PNISR: variants seen among roughly 807,000 people sequenced by gnomAD.
PNISR encodes the protein arginine/serine-rich protein PNISR.
PNISR carries 20 observed loss-of-function variants against 93.4 expected under a neutral mutation model. That is an observed-to-expected ratio of 0.21 (90% CI 0.15 to 0.31). The LOEUF is 0.31. Ranked by LOEUF, PNISR falls within the 10% of genes least tolerant of loss-of-function variation. The pLI is 1.00. For synonymous variants in PNISR, 305 were observed against 306.5 expected, an observed-to-expected ratio of 0.99 and a Z score of 0.05; for missense variants, 893 against 985.4, an observed-to-expected ratio of 0.91 and a Z score of 1.25.
chr6:99,398,821 TTTA>T lies in PNISR; in HGVS notation c.*1716_*1718del, dbSNP rs1025917628. On this transcript the variant is annotated 3_prime_UTR_variant, in exon 12 of 12. Coordinates refer to ENST00000369239, the MANE Select transcript of PNISR (RefSeq NM_032870.4). ...CGCCTACATAAAAAATATTGCACATTTTATTTTGTCTCCAGATGTGATCGATGT... is the reference window on the plus strand; with the variant it reads ...CGCCTACATAAAAAATATTGCACATTTTTTGTCTCCAGATGTGATCGATGT... The T allele has an allele frequency of 2.0e-5, 3 of 152,078 alleles. No homozygotes were observed. The highest frequency in any genetic ancestry group is 2.4e-5 in the African/African-American group (1 of 41,440). 9.4% of individuals were successfully genotyped at this position (152,078 alleles called of 1,614,324 possible). A position where few individuals can be genotyped will look rare whatever the true frequency, so the allele number is the denominator to read the frequency against.
At chr6:99,420,880 C>T (rs1166724362) in intron 1 of PNISR, among the ~76,000 whole-genome samples, 1 of 152,114 alleles carries the variant, frequency 6.6e-6, no homozygotes, top group Non-Finnish European at 1.5e-5. Flanking sequence ...AAACAAAAAT[C>T]TTCTTTAGGG....
rs1449856623 is a variant in PNISR at position 99,414,724 on chromosome 6, G to GT, written c.-31-35dup. 5.3e-6 allele frequency: 5 copies of GT among 939,224 alleles called. No individual in the cohort carries two copies. In the African/African-American group the frequency reaches 8.5e-5, roughly 16 times the overall value. 58.2% of individuals were successfully genotyped at this position (939,224 alleles called of 1,614,324 possible). On this transcript the variant is annotated intron_variant, in intron 2 of 11. Coordinates refer to ENST00000369239, the MANE Select transcript of PNISR (RefSeq NM_032870.4). ...AATTAAACATAGTTTAAAAATTATA[G>GT]TGAGTTATTTAATCTTAAAACCTCA... is the stretch of plus-strand genomic sequence containing the variant.
At chr6:99,415,399 C>T (rs1395189951) in intron 2 of PNISR, 1 of 152,024 alleles carries the variant, frequency 6.6e-6, no homozygotes, top group East Asian at 1.9e-4. Flanking sequence ...AGACAGCCTC[C>T]AAGACCTGGT....
At chr6:99,414,152 T>G (rs1347980181) in intron 3 of PNISR, among the ~76,000 whole-genome samples, 2 of 152,228 alleles carry the variant, frequency 1.3e-5, no homozygotes, top group Non-Finnish European at 2.9e-5. Flanking sequence ...AAGGGCTCCC[T>G]ATACTCTTCT....
rs1775513014 is a variant in PNISR, at chr6:99,401,622, G to T, written c.1336C>A (p.Gln446Lys). 2 of 1,529,090 alleles carry T rather than the reference G, an allele frequency of 1.3e-6. No homozygotes were observed. The highest frequency in any genetic ancestry group is 1.4e-5 in the African/African-American group (1 of 71,590). 94.7% of individuals were successfully genotyped at this position (1,529,090 alleles called of 1,614,324 possible). A position where few individuals can be genotyped will look rare whatever the true frequency, so the allele number is the denominator to read the frequency against. Residue 446 changes from glutamine to lysine, a missense_variant, in exon 12 of 12, where the codon CAG becomes AAG. By Grantham distance (53) the Gln-to-Lys change is moderately conservative (BLOSUM62 1). Transcript: ENST00000369239. Reference sequence around the variant, plus strand: ...TCTTTTGTAACCCTTTCTGTTTGCTGCTTTTCTTCTGAAACAGAAAAAGAC... The same window carrying T: ...TCTTTTGTAACCCTTTCTGTTTGCTTCTTTTCTTCTGAAACAGAAAAAGAC... The part of the protein sequence containing the change: ...LHDKQMEEEK[Q>K]QTERVTKEMN...
At position 99,402,558 on chromosome 6, in the gene PNISR, G is replaced by T. The variant is rs1351454073; in HGVS notation, c.1309C>A (p.His437Asn). 2 of 1,612,712 alleles carry T rather than the reference G, an allele frequency of 1.2e-6. No individual in the cohort carries two copies. ...ACTACACCTTCCATCTGTTTATCAT[G>T]TAATAGCTGCTGTTCTTTTTCTTTT... ...WRKEKEQQLL[H>N]DKQMEEEKQQ... The change falls in exon 11 of 12, where the codon CAT becomes AAT. Residue 437 changes from histidine to asparagine, a missense_variant. Transcript: ENST00000369239.
At chr6:99,408,816 AAC>A (rs1776477555) in intron 6 of PNISR, among the ~76,000 whole-genome samples, 1 of 152,226 alleles carries the variant, frequency 6.6e-6, no homozygotes, top group Admixed American at 6.5e-5. Flanking sequence ...GCATCAGATG[AAC>A]TAAGAGTGGA....
chr6:99,410,530 G>T, intron 5 of PNISR: 1 of 514,772 alleles, frequency 1.9e-6, no homozygotes, highest in Non-Finnish European at 3.4e-6. Context: ...TTTCCGTAAT[G>T]ATCTTTTATA....
intron 3 of PNISR, among the ~76,000 whole-genome samples, chr6:99,413,557 C>G (rs1227970601): frequency 6.6e-6 from 1 of 151,990 alleles, no homozygotes; most frequent in Non-Finnish European, 1.5e-5. Context: ...AACTCCTGAG[C>G]TCAAGCGATT....
chr6:99,413,248 A>C (rs1442315475), intron 3 of PNISR, among the ~76,000 whole-genome samples: 1 of 152,168 alleles, frequency 6.6e-6, no homozygotes, highest in Non-Finnish European at 1.5e-5. Flanking sequence ...TCTTTAAATA[A>C]GGCTCCCTTC....
chr6:99,415,153 A>G (rs368639861), intron 2 of PNISR: 2 of 152,222 alleles, frequency 1.3e-5, no homozygotes, highest in African/African-American at 4.8e-5. Flanking sequence ...GCCAAAAGTA[A>G]TAAAATATTA....
At chr6:99,402,868 AG>A in intron 10 of PNISR, 158 bp from the exon 11 acceptor site, 1 of 486,786 alleles carries the variant, frequency 2.1e-6, no homozygotes, top group Non-Finnish European at 3.6e-6. Flanking sequence ...CAAACGCTTA[AG>A]GAGTTCACAG....
chr6:99,419,675 T>C (rs1393842631), intron 1 of PNISR, among the ~76,000 whole-genome samples: 1 of 152,190 alleles, frequency 6.6e-6, no homozygotes, highest in African/African-American at 2.4e-5. Flanking sequence ...GTACTAGTCA[T>C]TATGGACTGT....
chr6:99,422,308 T>C (rs544830569), intron 1 of PNISR, among the ~76,000 whole-genome samples: 10 of 152,316 alleles, frequency 6.6e-5, no homozygotes, highest in Admixed American at 2.6e-4. Context: ...ATTTGATGCA[T>C]AGGATGAAAT....
At position 99,399,320 on chromosome 6, in the gene PNISR, A is replaced by T. The variant is rs1775191494; in HGVS notation, c.*1220T>A. The T allele has an allele frequency of 6.6e-6, 1 of 152,138 alleles. No homozygotes were observed. The highest frequency in any genetic ancestry group is 2.4e-5 in the African/African-American group (1 of 41,448). 9.4% of individuals were successfully genotyped at this position (152,138 alleles called of 1,614,324 possible). ...TACTTGTAAGTTATCAATGCCTTAA[A>T]CTGTTAGACCACTCACTAATCATAA... On this transcript the variant is annotated 3_prime_UTR_variant, in exon 12 of 12. Transcript: ENST00000369239.
chr6:99,411,252 ATATTTGTTTAG>A (rs1225541540), intron 4 of PNISR, among the ~76,000 whole-genome samples: 1 of 152,214 alleles, frequency 6.6e-6, no homozygotes, highest in Non-Finnish European at 1.5e-5. Context: ...TTGAATTTTT[ATATTTGTTTAG>A]TAACAACACC....
chr6:99,405,953 T>C, intron 8 of PNISR, 78 bp downstream of exon 8: 1 of 973,416 alleles, frequency 1.0e-6, no homozygotes, highest in African/African-American at 1.7e-5. Context: ...AGTTTCTGTT[T>C]TTTCCTCTAA....
intron 4 of PNISR, 177 bp from the exon 5 acceptor site, chr6:99,411,141 T>C (rs914585647): frequency 1.5e-4 from 85 of 564,402 alleles, no homozygotes; most frequent in Non-Finnish European, 2.5e-4. Flanking sequence ...TAAACTGTCA[T>C]ATATAATTCA....
At chr6:99,418,240 C>T (rs1777995155) in intron 1 of PNISR, among the ~76,000 whole-genome samples, 1 of 151,604 alleles carries the variant, frequency 6.6e-6, no homozygotes, top group African/African-American at 2.4e-5. Context: ...TGGGTTCAAG[C>T]GATTCTCCTG....
Sources: gnomAD v4.1 joint callset for allele counts (sites outside exome capture counted in the v4.1 genomes callset) on GRCh38, gnomAD v4.1.1 for gene constraint, MANE v1.5 for transcripts, NCBI Gene and HGNC (gene_info 2026-07-23, HGNC 2026-07-21) for gene names.